CARD14: variants seen among roughly 807,000 people sequenced by gnomAD.
The protein encoded by CARD14 is caspase recruitment domain-containing protein 14.
CARD14 carries 107 observed loss-of-function variants against 111.5 expected under a neutral mutation model. The ratio of observed to expected loss-of-function variants is 0.96; its 90% CI spans 0.82 to 1.13. CARD14 has a LOEUF of 1.13. Among genes scored for constraint, CARD14 ranks in the 50% most tolerant of loss-of-function variants. The pLI is 0.00. For missense variants in CARD14, 1,322 were observed against 1,362.3 expected (o/e 0.97, Z 0.47); for synonymous variants, 617 against 579.6 (o/e 1.06, Z -0.93).
Position 80,191,422 on chromosome 17 carries a change from T to A in CARD14, c.1189T>A (p.Cys397Ser). 1 of 1,613,792 alleles carries A rather than the reference T, an allele frequency of 6.2e-7. No homozygotes were observed. Among genetic ancestry groups the A allele is most frequent in the Non-Finnish European group, 8.5e-7 (1 of 1,180,016 alleles). Reference sequence around the variant, plus strand: ...GGTGTTCGAGCTGACGGACCAGGTCTGCGAGCTGCGCACACAGCTTCGCCA... The same window carrying A: ...GGTGTTCGAGCTGACGGACCAGGTCAGCGAGCTGCGCACACAGCTTCGCCA... Reference protein sequence around the residue: ...RQVFELTDQVCELRTQLRQLQ... With the variant: ...RQVFELTDQVSELRTQLRQLQ... The change falls in exon 11 of 24, where the codon TGC becomes AGC. Residue 397 changes from cysteine (C) to serine (S), a missense_variant. Transcript: ENST00000648509.
In CARD14 at chr17:80,189,914, T is replaced by C; in HGVS notation, c.963+42T>C. ...TCCTCCCTTGTGACTCTCCTGGGGC[T>C]TGTCTCAGGGGTGCGGACAGGTCTG... On this transcript the variant is annotated intron_variant, in intron 9 of 23. Transcript: ENST00000648509. The surrounding 1 kb of genome is among the most constrained non-coding windows in gnomAD (Gnocchi z 4.7). The C allele has an allele frequency of 1.3e-6, 2 of 1,573,886 alleles. No homozygotes were observed. Among genetic ancestry groups the C allele is most frequent in the East Asian group, 2.4e-5 (1 of 41,732 alleles).
chr17:80,208,139 A>T lies in CARD14; in HGVS notation c.2809A>T (p.Lys937Ter), dbSNP rs1329941608. The change falls in exon 24 of 24, where the codon AAG (lysine) becomes TAG (stop). Residue 937 changes from lysine to a stop codon, truncating the protein, a stop_gained and splice_region_variant. Coordinates refer to ENST00000648509, the MANE Select transcript of CARD14 (RefSeq NM_001366385.1). LOFTEE classifies it low-confidence loss of function (END_TRUNC). ...VNEKMAKKLK[K>*]GLQRLGTSEE... ...CCCCCCCAACTCTGGCCTGTGCAGG[A>T]AGGGCCTACAGCGGTTGGGCACCTC... 3 of 1,526,274 alleles carry T rather than the reference A, an allele frequency of 2.0e-6. No homozygotes were observed. Among genetic ancestry groups the T allele is most frequent in the Non-Finnish European group, 2.7e-6 (3 of 1,129,940 alleles). The allele number at this position is 1,526,274 out of a possible 1,614,324, so 94.5% of individuals were successfully genotyped here.
intron 2 of CARD14, among the ~76,000 whole-genome samples, chr17:80,173,700 G>C (rs1180718250): frequency 6.6e-6 from 1 of 151,646 alleles, no homozygotes; most frequent in Non-Finnish European, 1.5e-5. Flanking sequence ...CCAGGTTCAA[G>C]TGATTCTCCT....
intron 20 of CARD14, chr17:80,204,679 C>G (rs2041183201): frequency 2.6e-6 from 1 of 381,736 alleles, no homozygotes; most frequent in Middle Eastern, 6.8e-4. Context: ...GGGCTAGGAC[C>G]CTGTGCCCTG....
intron 16 of CARD14, among the ~76,000 whole-genome samples, chr17:80,199,683 A>G (rs1236817668): frequency 6.6e-6 from 1 of 150,816 alleles, no homozygotes; most frequent in Non-Finnish European, 1.5e-5. Flanking sequence ...GTTTGAGACC[A>G]GCCTGGACAA....
intron 6 of CARD14, among the ~76,000 whole-genome samples, chr17:80,183,549 C>T (rs373870391): frequency 1.3e-5 from 2 of 152,160 alleles, no homozygotes; most frequent in Admixed American, 6.5e-5. Context: ...GGGTAACCCT[C>T]GTGCCAAAAT....
In CARD14 at chr17:80,202,240, A is replaced by G. The variant is rs1441557869; in HGVS notation, c.2039A>G (p.Tyr680Cys). 2 of 1,613,806 alleles carry G rather than the reference A, an allele frequency of 1.2e-6. No homozygotes were observed. The highest frequency in any genetic ancestry group is 1.3e-5 in the African/African-American group (1 of 74,882). ...AKVATSGDSFYIRVNLAMEGR... is the reference protein window; with the variant it reads ...AKVATSGDSFCIRVNLAMEGR... The stretch of plus-strand genomic sequence containing the variant: ...GTGGCGACCTCGGGGGACTCATTCT[A>G]CATCCGGGTCAACCTGGCCATGGAG... Residue 680 changes from tyrosine to cysteine, a missense_variant, in exon 18 of 24, where the codon TAC (tyrosine) becomes TGC (cysteine). Physicochemically the swap from Tyr to Cys is radical, Grantham distance 194. Coordinates refer to ENST00000648509, the MANE Select transcript of CARD14 (RefSeq NM_001366385.1).
In CARD14 at chr17:80,209,160, G is replaced by A. The variant is rs56105268; in HGVS notation, c.*815G>A. 16 of 301,386 alleles carry A rather than the reference G, an allele frequency of 5.3e-5. No individual in the cohort carries two copies. The highest frequency in any genetic ancestry group is 9.1e-5 in the African/African-American group (4 of 44,178). The allele number at this position is 301,386 out of a possible 1,614,324, so 18.7% of individuals were successfully genotyped here. A position where few individuals can be genotyped will look rare whatever the true frequency, so the allele number is the denominator to read the frequency against. On this transcript the variant is annotated 3_prime_UTR_variant, in exon 24 of 24. Coordinates refer to ENST00000648509, the MANE Select transcript of CARD14 (RefSeq NM_001366385.1). Reference sequence around the variant, plus strand: ...CAGGGCTCGGGGAGGACCCAGGTCCGCCAGCACCTGGCCTTGCCCCTGCCT... The same window carrying A: ...CAGGGCTCGGGGAGGACCCAGGTCCACCAGCACCTGGCCTTGCCCCTGCCT...
intron 1 of CARD14, among the ~76,000 whole-genome samples, chr17:80,172,331 T>C (rs1321688722): frequency 6.6e-6 from 1 of 152,224 alleles, no homozygotes; most frequent in Non-Finnish European, 1.5e-5. Context: ...GGGCAAATAC[T>C]GGGATTTTAT....
chr17:80,186,442 T>C (rs1442910434), intron 7 of CARD14, among the ~76,000 whole-genome samples: 1 of 152,240 alleles, frequency 6.6e-6, no homozygotes, highest in Non-Finnish European at 1.5e-5. Context: ...GAGAACCAAC[T>C]GCTTTTCTGG....
rs183376726 is a variant in CARD14 at position 80,189,672 on chromosome 17, C to T, written c.844-81C>T. 24 of 1,414,558 alleles carry T rather than the reference C, an allele frequency of 1.7e-5. No individual in the cohort carries two copies. Among genetic ancestry groups the T allele is most frequent in the African/African-American group, 7.5e-5 (5 of 66,512 alleles). 87.6% of individuals were successfully genotyped at this position (1,414,558 alleles called of 1,614,324 possible). A position where few individuals can be genotyped will look rare whatever the true frequency, so the allele number is the denominator to read the frequency against. On this transcript the variant is annotated intron_variant, in intron 8 of 23. Transcript: ENST00000648509. The surrounding 1 kb of genome is among the most constrained non-coding windows in gnomAD (Gnocchi z 4.7). ...TCCACACACCTGACCGTGCAGTTGC[C>T]GCCATCTTCTCGGGATTCTGCTTGC...
intron 17 of CARD14, 155 bp downstream of exon 17, chr17:80,202,025 A>G: frequency 8.1e-7 from 1 of 1,238,120 alleles, no homozygotes. Flanking sequence ...GAGGCCCCCA[A>G]GCCAGCTGGA....
intron 18 of CARD14, chr17:80,202,648 T>C (rs2041047795): frequency 7.3e-7 from 1 of 1,377,738 alleles, no homozygotes; most frequent in Non-Finnish European, 9.4e-7. Flanking sequence ...AGATCTGGGT[T>C]TCTTAGCTCT....
chr17:80,186,558 T>G (rs2040350823), intron 7 of CARD14, among the ~76,000 whole-genome samples: 1 of 152,082 alleles, frequency 6.6e-6, no homozygotes, highest in Non-Finnish European at 1.5e-5. Context: ...ATTTTTTGGT[T>G]TGTTTTTTTG....
chr17:80,189,947 G>A lies in CARD14; in HGVS notation c.963+75G>A. 1 of 1,516,604 alleles carries A rather than the reference G, an allele frequency of 6.6e-7. No individual in the cohort carries two copies. Among genetic ancestry groups the A allele is most frequent in the Non-Finnish European group, 8.7e-7 (1 of 1,145,066 alleles). The allele number at this position is 1,516,604 out of a possible 1,614,324, so 93.9% of individuals were successfully genotyped here. A position where few individuals can be genotyped will look rare whatever the true frequency, so the allele number is the denominator to read the frequency against. On this transcript the variant is annotated intron_variant, in intron 9 of 23. Coordinates refer to ENST00000648509, the MANE Select transcript of CARD14 (RefSeq NM_001366385.1). This position sits in a 1 kb window ranked among gnomAD's most constrained non-coding sequence, Gnocchi z 4.7. ...GGGGTGCGGACAGGTCTGTGGGGAA[G>A]CCAGATTCCTTCATCCACGCCGAGC...
intron 14 of CARD14, chr17:80,197,543 A>AAG (rs2040760047): frequency 4.9e-5 from 7 of 143,988 alleles, no homozygotes; most frequent in East Asian, 2.0e-4. Context: ...AAAAAAAAAA[A>AAG]AAAGAAAGAA....
Position 80,201,885 on chromosome 17 carries a change from C to T in CARD14, c.1978+15C>T. 1 of 1,601,770 alleles carries T rather than the reference C, an allele frequency of 6.2e-7. No individual in the cohort carries two copies. The highest frequency in any genetic ancestry group is 1.1e-5 in the South Asian group (1 of 89,718). ...CAACACGGACGGTACACATACCACT[C>T]CTCTCGTGTGCACAGCTGCCTGGCC... On this transcript the variant is annotated intron_variant, in intron 17 of 23. Transcript: ENST00000648509. The surrounding 1 kb of genome is among the most constrained non-coding windows in gnomAD (Gnocchi z 5.0).
rs895670702 is a variant in CARD14, at chr17:80,181,364, C to T, written c.-20-55C>T. The T allele has an allele frequency of 3.0e-6, 4 of 1,347,814 alleles. 1 individual carries two copies. The highest frequency in any genetic ancestry group is 4.1e-6 in the Non-Finnish European group (4 of 977,462). The allele number at this position is 1,347,814 out of a possible 1,614,324, so 83.5% of individuals were successfully genotyped here. ...TGATTTTAAAACGGTGTCACCCTGG[C>T]TATCCTGGGGTCCTGCTTACCTGAC... On this transcript the variant is annotated intron_variant, in intron 4 of 23. Transcript: ENST00000648509.
chr17:80,174,580 C>A (rs140241782), intron 2 of CARD14, among the ~76,000 whole-genome samples: 199 of 152,232 alleles, frequency 1.3e-3, no homozygotes, highest in African/African-American at 4.7e-3. Flanking sequence ...TACCCCCTAC[C>A]CCGATTTCTA....
Sources: allele counts gnomAD v4.1 joint callset (sites outside exome capture counted in the v4.1 genomes callset), GRCh38; gene constraint gnomAD v4.1.1; non-coding constraint Gnocchi (gnomAD v3.1); transcripts MANE v1.5; gene names NCBI Gene and HGNC (gene_info 2026-07-23, HGNC 2026-07-21).